RRP12: variants seen among roughly 807,000 people sequenced by gnomAD.
RRP12 encodes ribosomal RNA processing 12 homolog.
Under a neutral mutation model 157.3 loss-of-function variants are expected in RRP12, and 78 were observed. The ratio of observed to expected loss-of-function variants is 0.50; its 90% CI spans 0.41 to 0.60. The LOEUF (loss-of-function observed/expected upper bound fraction) is 0.60, where lower values mean the gene tolerates loss of function less well. Ranked by LOEUF, RRP12 falls within the 20% of genes least tolerant of loss-of-function variation. The pLI is 0.00. For missense variants in RRP12, 1,521 were observed against 1,679.9 expected, an observed-to-expected ratio of 0.91 and a Z score of 1.65; for synonymous variants, 726 against 670.9, an observed-to-expected ratio of 1.08 and a Z score of -1.27.
intron 30 of RRP12, 60 bp from the exon 31 acceptor site, chr10:97,360,678 T>C (rs540536237): frequency 2.3e-6 from 3 of 1,276,972 alleles, no homozygotes; most frequent in Admixed American, 1.7e-5. Flanking sequence ...CCCTCGGGAA[T>C]GCCAACAGTA....
chr10:97,380,816 G>A lies in RRP12; in HGVS notation c.1516C>T (p.His506Tyr), dbSNP rs758046270. 1.9e-6 allele frequency: 3 copies of A among 1,613,180 alleles called. No individual in the cohort carries two copies. The highest frequency in any genetic ancestry group is 2.5e-6 in the Non-Finnish European group (3 of 1,179,098). Residue 506 changes from histidine to tyrosine, a missense_variant, in exon 13 of 34, where the codon CAC becomes TAC. Transcript: ENST00000370992. The stretch of plus-strand genomic sequence containing the variant: ...CCACTCACCTTCCTCATCACAGGGT[G>A]GGCCTGTCTCCCACACGCCTCGAAG... ...VFFEACGRQA[H>Y]PVMRKCLQSL...
intron 4 of RRP12, 106 bp downstream of exon 4, chr10:97,393,578 G>T (rs540886582): frequency 1.4e-5 from 13 of 906,694 alleles, no homozygotes; most frequent in Non-Finnish European, 2.3e-5. Context: ...TTCATGAAGA[G>T]CAAGTATCTT....
intron 4 of RRP12, chr10:97,393,299 T>C: frequency 2.3e-6 from 1 of 438,430 alleles, no homozygotes; most frequent in Admixed American, 2.6e-5. Context: ...TGAGCACACA[T>C]GGAACCAGGG....
intron 18 of RRP12, 114 bp downstream of exon 18, chr10:97,372,932 G>A: frequency 2.8e-6 from 4 of 1,442,752 alleles, no homozygotes; most frequent in Non-Finnish European, 3.8e-6. Flanking sequence ...CTGCTGGTAT[G>A]TGCTCCAAAA....
chr10:97,366,148 C>T lies in RRP12; in HGVS notation c.3477G>A (p.Glu1159=). 6.2e-7 allele frequency: 1 copy of T among 1,607,710 alleles called. No individual in the cohort carries two copies. The highest frequency in any genetic ancestry group is 2.2e-5 in the East Asian group (1 of 44,858). ...SADGRLIIRE[E]ADGNKMEEEE... ...CTTCCTCCATCTTGTTGCCGTCTGC[C>T]TCCTCCCTTATGATCAGCCGGCCAT... Residue 1159 remains glutamate, a synonymous_variant, in exon 29 of 34, where the codon GAG becomes GAA. Coordinates refer to ENST00000370992, the MANE Select transcript of RRP12 (RefSeq NM_015179.4).
In RRP12 at chr10:97,373,104, G is replaced by T. The variant is rs140071458; in HGVS notation, c.2123C>A (p.Ala708Asp). 54 of 1,614,024 alleles carry T rather than the reference G, an allele frequency of 3.3e-5. No homozygotes were observed. The highest frequency in any genetic ancestry group is 4.5e-5 in the Non-Finnish European group (53 of 1,179,996). Residue 708 changes from alanine to aspartate, a missense_variant, in exon 18 of 34, where the codon GCC becomes GAC. Transcript: ENST00000370992. ...GQPVAAGDTP[A>D]PRRAVLETIR... ...GGTTTCCAGCACAGCCCGGCGAGGGGCTGGAGTGTCCCCGGCTGCCACGGG... is the reference window on the plus strand; with the variant it reads ...GGTTTCCAGCACAGCCCGGCGAGGGTCTGGAGTGTCCCCGGCTGCCACGGG...
chr10:97,385,343 A>G (rs919098444), intron 9 of RRP12, 86 bp from the exon 10 acceptor site: 1 of 1,054,532 alleles, frequency 9.5e-7, no homozygotes, highest in Non-Finnish European at 1.5e-6. Context: ...TGGCACCAGC[A>G]ATGTCCTGGG....
Position 97,401,109 on chromosome 10 carries a change from G to A in RRP12, c.123C>T (p.Phe41=), listed in dbSNP as rs779658380. The A allele has an allele frequency of 6.2e-7, 1 of 1,613,688 alleles. No homozygotes were observed. Among genetic ancestry groups the A allele is most frequent in the South Asian group, 1.1e-5 (1 of 91,064 alleles). Residue 41 remains phenylalanine (F), a synonymous_variant, in exon 1 of 34, where the codon TTC becomes TTT. Coordinates refer to ENST00000370992, the MANE Select transcript of RRP12 (RefSeq NM_015179.4). ...CRHRQAARSR[F]FSRPSGRSDL... is the part of the protein sequence containing the mutation. ...CCCAGCTACCTGACGGCCGGCTGAAGAAGCGGCTGCGGGCGGCCTGACGGT... is the reference window on the plus strand; with the variant it reads ...CCCAGCTACCTGACGGCCGGCTGAAAAAGCGGCTGCGGGCGGCCTGACGGT...
intron 15 of RRP12, among the ~76,000 whole-genome samples, chr10:97,376,735 A>G (rs1294990468): frequency 1.3e-5 from 2 of 151,966 alleles, no homozygotes; most frequent in Non-Finnish European, 2.9e-5. Flanking sequence ...ACAACCAAAA[A>G]TGTCTCCAGG....
chr10:97,393,187 T>C lies in RRP12; in HGVS notation c.530+497A>G, dbSNP rs987916440. 1.5e-5 allele frequency: 6 copies of C among 412,292 alleles called. No individual in the cohort carries two copies. The East Asian group carries it at 3.4e-4, about 23-fold the overall frequency. The allele number at this position is 412,292 out of a possible 1,614,324, so 25.5% of individuals were successfully genotyped here. On this transcript the variant is annotated intron_variant, in intron 4 of 33. Coordinates refer to ENST00000370992, the MANE Select transcript of RRP12 (RefSeq NM_015179.4). Reference sequence around the variant, plus strand: ...ACCGCACCAGGCCAAAAAAGTTTCATTTTCAATAGAGCTTTCTGACTCTGC... The same window carrying C: ...ACCGCACCAGGCCAAAAAAGTTTCACTTTCAATAGAGCTTTCTGACTCTGC...
chr10:97,393,414 GTGAAGATTTTGGTGCTTTCCCAACCTT>G (rs1349338975), intron 4 of RRP12: 1 of 605,100 alleles, frequency 1.7e-6, no homozygotes, highest in East Asian at 3.6e-5. Context: ...CACACACCAC[GTGAAGATTTTGGTGCTTTCCCAACCTT>G]CTTGGCATAA....
chr10:97,378,504 C>G (rs2133063093), intron 15 of RRP12, among the ~76,000 whole-genome samples: 1 of 152,314 alleles, frequency 6.6e-6, no homozygotes, highest in South Asian at 2.1e-4. Flanking sequence ...AGACCACCAT[C>G]ATTGAAACGT....
intron 25 of RRP12, among the ~76,000 whole-genome samples, chr10:97,367,609 C>T (rs550768263): frequency 5.1e-4 from 78 of 152,358 alleles, no homozygotes; most frequent in African/African-American, 1.9e-3. Context: ...CCTTCCATCT[C>T]ACTGCATTCT....
At chr10:97,381,314 G>A (rs1003713371) in intron 12 of RRP12, 72 bp downstream of exon 12, 2 of 1,096,036 alleles carry the variant, frequency 1.8e-6, no homozygotes, top group East Asian at 5.1e-5. Flanking sequence ...GTGGAGAGTG[G>A]AGCATTCGTA....
At chr10:97,386,106 G>GC in intron 8 of RRP12, 113 bp from the exon 9 acceptor site, 3 of 660,704 alleles carry the variant, frequency 4.5e-6, no homozygotes, top group Admixed American at 2.4e-5. Flanking sequence ...CCTCACACAT[G>GC]CCCCCCACAC....
intron 3 of RRP12, among the ~76,000 whole-genome samples, chr10:97,394,462 T>G (rs1282886193): frequency 2.0e-5 from 3 of 152,170 alleles, no homozygotes; most frequent in Non-Finnish European, 4.4e-5. Flanking sequence ...TAATCATAGC[T>G]CACTGTAACC....
rs369673328 is a variant in RRP12, at chr10:97,380,878, G to T, written c.1454C>A (p.Ala485Glu). 2 of 1,614,116 alleles carry T rather than the reference G, an allele frequency of 1.2e-6. No individual in the cohort carries two copies. Among genetic ancestry groups the T allele is most frequent in the Admixed American group, 1.7e-5 (1 of 60,020 alleles). ...CAGCTGCAACACGGAGCTCCAGGCC[G>T]CATGGAATTTGTACGTCAGGCCCTC... ...VEEGLTYKFHAAWSSVLQLLC... is the reference protein window; with the variant it reads ...VEEGLTYKFHEAWSSVLQLLC... Residue 485 changes from alanine to glutamate, a missense_variant, in exon 13 of 34, where the codon GCG (alanine) becomes GAG (glutamate). Ala to Glu is a moderately radical substitution (Grantham distance 107, BLOSUM62 -1). Coordinates refer to ENST00000370992, the MANE Select transcript of RRP12 (RefSeq NM_015179.4).
chr10:97,366,341 C>T, intron 28 of RRP12, 105 bp downstream of exon 28: 2 of 1,566,288 alleles, frequency 1.3e-6, no homozygotes, highest in Non-Finnish European at 8.6e-7. Context: ...CGCCTCTCAG[C>T]CCTGTCCATG....
intron 3 of RRP12, among the ~76,000 whole-genome samples, chr10:97,394,968 C>T (rs1481860274): frequency 1.3e-5 from 2 of 151,214 alleles, no homozygotes; most frequent in African/African-American, 4.9e-5. Flanking sequence ...CATGACGAAA[C>T]TCTGTCTCTA....
Sources: allele counts gnomAD v4.1 joint callset (sites outside exome capture counted in the v4.1 genomes callset), GRCh38; gene constraint gnomAD v4.1.1; transcripts MANE v1.5; gene names NCBI Gene and HGNC (gene_info 2026-07-23, HGNC 2026-07-21).